PIEZO2: variants seen among roughly 807,000 people sequenced by gnomAD.
The protein encoded by PIEZO2 is piezo type mechanosensitive ion channel component 2, also known as piezo-type mechanosensitive ion channel component 2.
A neutral mutation model predicts 337.3 loss-of-function variants in PIEZO2; 172 were observed. That is an observed-to-expected ratio of 0.51 (90% CI 0.45 to 0.58). The LOEUF is 0.58. Among genes scored for constraint, PIEZO2 ranks in the 20% least tolerant of loss-of-function variants. PIEZO2 has a pLI of 0.00. For synonymous variants in PIEZO2, 1,251 were observed against 1,228.5 expected (o/e 1.02, Z -0.38); for missense variants, 3,028 against 3,391.3 (o/e 0.89, Z 2.66).
At chr18:11,018,003 C>G (rs1159474429) in intron 2 of PIEZO2, among the ~76,000 whole-genome samples, 2 of 152,108 alleles carry the variant, frequency 1.3e-5, no homozygotes, top group Admixed American at 1.3e-4. Flanking sequence ...AAATAAAAAA[C>G]AGAAATGTAT....
chr18:10,721,506 C>T (rs114304974), intron 36 of PIEZO2, among the ~76,000 whole-genome samples: 2,882 of 151,578 alleles, frequency 0.019, 90 homozygotes, highest in African/African-American at 0.067. Flanking sequence ...TTCAAGATGA[C>T]CAAAGAACAA....
In PIEZO2 at chr18:10,982,719, T is replaced by A. The variant is rs264164; in HGVS notation, c.161-3059A>T. On this transcript the variant is annotated intron_variant, in intron 2 of 55. Coordinates refer to ENST00000674853, the MANE Select transcript of PIEZO2 (RefSeq NM_001378183.1). The surrounding 1 kb of genome is among the most constrained non-coding windows in gnomAD (Gnocchi z 4.1). ...TATTAAAATATGTTATAAAACCATA[T>A]GTTTATTTATTTTTTTTTTGAGACA... 6.6e-6 allele frequency among the ~76,000 whole-genome samples: 1 copy of A among 151,852 alleles called. No homozygotes were observed. The highest frequency in any genetic ancestry group is 2.4e-5 in the African/African-American group (1 of 41,178).
At chr18:11,023,324 A>G (rs1285704964) in intron 2 of PIEZO2, among the ~76,000 whole-genome samples, 1 of 152,122 alleles carries the variant, frequency 6.6e-6, no homozygotes, top group Non-Finnish European at 1.5e-5. Context: ...TCCCTGAGCT[A>G]GACACAAAGG....
At chr18:10,820,719 A>G (rs2040497204) in intron 7 of PIEZO2, among the ~76,000 whole-genome samples, 1 of 152,094 alleles carries the variant, frequency 6.6e-6, no homozygotes, top group Non-Finnish European at 1.5e-5. Context: ...TACATTATCG[A>G]GTGTCTCGAT....
chr18:10,885,326 AG>A (rs1471086361), intron 4 of PIEZO2, among the ~76,000 whole-genome samples: 1 of 152,170 alleles, frequency 6.6e-6, no homozygotes, highest in East Asian at 1.9e-4. Context: ...CAGGAGGCTG[AG>A]GCAGGAGAAT....
chr18:10,763,510 G>T (rs1039169288), intron 21 of PIEZO2, among the ~76,000 whole-genome samples: 3 of 152,282 alleles, frequency 2.0e-5, no homozygotes, highest in African/African-American at 4.8e-5. Flanking sequence ...ATGAATGAAG[G>T]CAGGAAAGCA....
chr18:10,730,626 C>T (rs777625904), intron 36 of PIEZO2, among the ~76,000 whole-genome samples: 8 of 152,068 alleles, frequency 5.3e-5, no homozygotes, highest in Non-Finnish European at 1.2e-4. Context: ...CTTGGTATAA[C>T]GCTGAATATA....
chr18:11,051,784 C>T (rs1303821900), intron 2 of PIEZO2, among the ~76,000 whole-genome samples: 2 of 152,174 alleles, frequency 1.3e-5, no homozygotes, highest in African/African-American at 4.8e-5. Context: ...CTTGTTGAAA[C>T]CAACTGAAAA....
intron 16 of PIEZO2, among the ~76,000 whole-genome samples, chr18:10,786,768 G>A (rs947291822): frequency 1.3e-5 from 2 of 152,180 alleles, no homozygotes; most frequent in South Asian, 2.1e-4. Flanking sequence ...CAGAAAGCAC[G>A]ACTAAGTGTT....
At chr18:11,022,646 A>G (rs2145719351) in intron 2 of PIEZO2, among the ~76,000 whole-genome samples, 1 of 152,252 alleles carries the variant, frequency 6.6e-6, no homozygotes, top group East Asian at 1.9e-4. Flanking sequence ...TCACCTCTTT[A>G]AAGGCCCTGT....
At chr18:10,917,438 A>C (rs2031068417) in intron 3 of PIEZO2, among the ~76,000 whole-genome samples, 2 of 152,140 alleles carry the variant, frequency 1.3e-5, no homozygotes, top group South Asian at 4.1e-4. Flanking sequence ...CTGTCTTCAT[A>C]TTGTAAATTC....
chr18:10,889,136 T>C (rs1322243425), intron 4 of PIEZO2, among the ~76,000 whole-genome samples: 1 of 152,182 alleles, frequency 6.6e-6, no homozygotes, highest in East Asian at 1.9e-4. Flanking sequence ...CAGACACAGG[T>C]CCACCCAGGT....
At chr18:11,055,449 G>C (rs1018370255) in intron 2 of PIEZO2, among the ~76,000 whole-genome samples, 2 of 152,124 alleles carry the variant, frequency 1.3e-5, no homozygotes, top group African/African-American at 2.4e-5. Flanking sequence ...TTTAGTTAAG[G>C]GGGTGAGGGA....
chr18:10,940,004 A>G lies in PIEZO2; in HGVS notation c.287-28776T>C, dbSNP rs532056631. On this transcript the variant is annotated intron_variant, in intron 3 of 55. Coordinates refer to ENST00000674853, the MANE Select transcript of PIEZO2 (RefSeq NM_001378183.1). This position sits in a 1 kb window ranked among gnomAD's most constrained non-coding sequence, Gnocchi z 5.3. ...ACTGTGTTAGTTCATTATTATGTAT[A>G]CTCTAGGGACATATATATGACTATG... Among the ~76,000 whole-genome samples the G allele has an allele frequency of 6.6e-6, 1 of 152,088 alleles. No individual in the cohort carries two copies. Among genetic ancestry groups the G allele is most frequent in the African/African-American group, 2.4e-5 (1 of 41,466 alleles).
chr18:10,935,585 G>A (rs928746119), intron 3 of PIEZO2, among the ~76,000 whole-genome samples: 2 of 152,150 alleles, frequency 1.3e-5, no homozygotes, highest in African/African-American at 4.8e-5. Context: ...GAGAACCTAA[G>A]ATTTTATGAA....
chr18:10,821,800 T>C lies in PIEZO2; in HGVS notation c.918-14526A>G, dbSNP rs1317450442. Among the ~76,000 whole-genome samples the C allele has an allele frequency of 6.6e-6, 1 of 152,234 alleles. No individual in the cohort carries two copies. The highest frequency in any genetic ancestry group is 1.5e-5 in the Non-Finnish European group (1 of 68,044). On this transcript the variant is annotated intron_variant, in intron 7 of 55. Coordinates refer to ENST00000674853, the MANE Select transcript of PIEZO2 (RefSeq NM_001378183.1). This position sits in a 1 kb window ranked among gnomAD's most constrained non-coding sequence, Gnocchi z 4.2. The stretch of plus-strand genomic sequence containing the variant: ...CCTCTTTCAACTTCTTCCACACTTT[T>C]GTCTTTCTTGAATTCTTAGCAGAGA...
intron 1 of PIEZO2, among the ~76,000 whole-genome samples, chr18:11,123,232 A>C (rs2040080162): frequency 6.6e-6 from 1 of 152,224 alleles, no homozygotes; most frequent in South Asian, 2.1e-4. Context: ...CTTTCTAGAT[A>C]TACACAATTA....
Position 11,109,535 on chromosome 18 carries a change from GCGAAACC to G in PIEZO2, c.64+38983_64+38989del, listed in dbSNP as rs534442941. ...GTTTGAGACGACCCTGGCCAAGATG[GCGAAACC>G]CCGTCTCTACTGAAAATACAAAAAA... On this transcript the variant is annotated intron_variant, in intron 1 of 55. Coordinates refer to ENST00000674853, the MANE Select transcript of PIEZO2 (RefSeq NM_001378183.1). The surrounding 1 kb of genome is among the most constrained non-coding windows in gnomAD (Gnocchi z 5.1). Among the ~76,000 whole-genome samples the G allele has an allele frequency of 0.037, 5,604 of 152,142 alleles. 140 individuals carry two copies. The highest frequency in any genetic ancestry group is 0.075 in the East Asian group (386 of 5,160).
In PIEZO2 at chr18:10,958,612, G is replaced by T. The variant is rs951991990; in HGVS notation, c.286+20923C>A. On this transcript the variant is annotated intron_variant, in intron 3 of 55. Coordinates refer to ENST00000674853, the MANE Select transcript of PIEZO2 (RefSeq NM_001378183.1). ...TAGCTTGATTAAGTCTTTCTACAAG[G>T]TATACATAGATCAAAACATCGCCTC... is the stretch of plus-strand genomic sequence containing the variant. 2.6e-5 allele frequency among the ~76,000 whole-genome samples: 4 copies of T among 152,042 alleles called. No homozygotes were observed. In the South Asian group the frequency reaches 8.3e-4, roughly 32 times the overall value.
Sources: allele counts gnomAD v4.1 joint callset (sites outside exome capture counted in the v4.1 genomes callset), GRCh38; gene constraint gnomAD v4.1.1; non-coding constraint Gnocchi (gnomAD v3.1); transcripts MANE v1.5; gene names NCBI Gene and HGNC (gene_info 2026-07-23, HGNC 2026-07-21).